The following DMXL1 variants were observed in gnomAD, a reference collection of about 807,000 sequenced individuals.
DMXL1 encodes the protein Dmx like 1, also known as dmX-like protein 1.
A neutral mutation model predicts 319.2 loss-of-function variants in DMXL1; 99 were observed. The ratio of observed to expected loss-of-function variants is 0.31; its 90% CI spans 0.26 to 0.37. DMXL1 has a LOEUF of 0.37. DMXL1 is among the 10% of genes least tolerant of loss of function. DMXL1 has a pLI of 1.00. For synonymous variants in DMXL1, 1,385 were observed against 1,235.2 expected (o/e 1.12, Z -2.54); for missense variants, 3,745 against 3,595.6 (o/e 1.04, Z -1.06).
chr5:119,167,732 G>A lies in DMXL1; in HGVS notation c.5266G>A (p.Val1756Ile). The change falls in exon 23 of 44, where the codon GTC (valine) becomes ATC (isoleucine). Residue 1756 changes from valine (V) to isoleucine (I), a missense_variant. By Grantham distance (29) the Val-to-Ile change is conservative (BLOSUM62 3). Transcript: ENST00000539542. ...AAAAGTTTTGGGAATCGATTCTCCT[G>A]TCAGTGAACTGTGTTCATTGAACAT... The part of the protein sequence containing the change: ...RKKVLGIDSP[V>I]SELCSLNINM... 1.9e-6 allele frequency: 3 copies of A among 1,613,650 alleles called. No homozygotes were observed. Among genetic ancestry groups the A allele is most frequent in the East Asian group, 2.2e-5 (1 of 44,780 alleles).
In DMXL1 at chr5:119,191,956, A is replaced by G. The variant is rs143336373; in HGVS notation, c.7315-1872A>G. Among the ~76,000 whole-genome samples the G allele has an allele frequency of 5.5e-3, 845 of 152,278 alleles. 12 individuals carry two copies. Among genetic ancestry groups the G allele is most frequent in the African/African-American group, 0.019 (794 of 41,568 alleles). On this transcript the variant is annotated intron_variant, in intron 29 of 43. Transcript: ENST00000539542. ...GGTCAACCATTGTTTGTTTTCTACA[A>G]TTTTGTTCAATTTTATTGTTGCTTT...
chr5:119,188,710 A>T (rs1296563799), intron 28 of DMXL1, among the ~76,000 whole-genome samples: 1 of 152,246 alleles, frequency 6.6e-6, no homozygotes, highest in African/African-American at 2.4e-5. Context: ...ACTTTTTAGT[A>T]ATCTCTTAGA....
Position 119,212,651 on chromosome 5 carries a change from G to T in DMXL1, c.7927-4250G>T, listed in dbSNP as rs189407447. ...TAAATCTCTTTTAGCGTTAATATTTGGATTCTTTTTTCTTCACATGTCCAG... is the reference window on the plus strand; with the variant it reads ...TAAATCTCTTTTAGCGTTAATATTTTGATTCTTTTTTCTTCACATGTCCAG... On this transcript the variant is annotated intron_variant, in intron 34 of 43. Coordinates refer to ENST00000539542, the MANE Select transcript of DMXL1 (RefSeq NM_001290321.3). 2.6e-5 allele frequency among the ~76,000 whole-genome samples: 4 copies of T among 152,070 alleles called. No individual in the cohort carries two copies. The East Asian group carries it at 7.7e-4, about 29-fold the overall frequency.
At chr5:119,204,286 C>T (rs929658812) in intron 33 of DMXL1, among the ~76,000 whole-genome samples, 9 of 152,100 alleles carry the variant, frequency 5.9e-5, no homozygotes, top group South Asian at 2.1e-4. Flanking sequence ...TGCAGATGAA[C>T]GCCACCATGC....
intron 19 of DMXL1, among the ~76,000 whole-genome samples, chr5:119,159,691 G>A (rs139910020): frequency 8.5e-5 from 13 of 152,230 alleles, no homozygotes; most frequent in African/African-American, 1.7e-4. Flanking sequence ...GTGGCGCCTC[G>A]CAGCTCACTG....
At chr5:119,193,331 C>T (rs769210044) in intron 29 of DMXL1, among the ~76,000 whole-genome samples, 14 of 152,098 alleles carry the variant, frequency 9.2e-5, no homozygotes, top group Non-Finnish European at 1.9e-4. Flanking sequence ...TTCCCAAACT[C>T]TTTCTGCATT....
At chr5:119,174,214 C>T (rs780902827) in intron 25 of DMXL1, among the ~76,000 whole-genome samples, 2 of 152,158 alleles carry the variant, frequency 1.3e-5, no homozygotes, top group Non-Finnish European at 2.9e-5. Flanking sequence ...AATGTCTGTG[C>T]ACCCCATGGC....
rs868463215 is a variant in DMXL1, at chr5:119,225,474, G to T, written c.8338+705G>T. 7.2e-5 allele frequency among the ~76,000 whole-genome samples: 11 copies of T among 151,818 alleles called. No homozygotes were observed. The South Asian group carries it at 1.0e-3, about 14-fold the overall frequency. On this transcript the variant is annotated intron_variant, in intron 38 of 43. Coordinates refer to ENST00000539542, the MANE Select transcript of DMXL1 (RefSeq NM_001290321.3). Reference sequence around the variant, plus strand: ...TTTTTAATATTTTTTTTTAAGTTATGCCCTTCGTCAAATTGTCCTACTACA... The same window carrying T: ...TTTTTAATATTTTTTTTTAAGTTATTCCCTTCGTCAAATTGTCCTACTACA...
At position 119,244,345 on chromosome 5, in the gene DMXL1, T is replaced by A. The variant is rs562408569; in HGVS notation, c.8705-14T>A. On this transcript the variant is annotated splice_polypyrimidine_tract_variant and intron_variant, in intron 42 of 43. Coordinates refer to ENST00000539542, the MANE Select transcript of DMXL1 (RefSeq NM_001290321.3). ...TTGTTAAGTGTTTTTGTTTTTTTTT[T>A]AATTTACTTTCAGCATTTACCTGCC... 1.5e-4 allele frequency: 233 copies of A among 1,583,722 alleles called. 2 individuals carry two copies. The highest frequency in any genetic ancestry group is 1.4e-3 in the South Asian group (119 of 85,278).
At chr5:119,140,595 C>G (rs547712884) in intron 13 of DMXL1, among the ~76,000 whole-genome samples, 1 of 152,106 alleles carries the variant, frequency 6.6e-6, no homozygotes, top group South Asian at 2.1e-4. Flanking sequence ...AATACGAGCT[C>G]CGAAATTGAG....
At chr5:119,189,666 T>C in intron 28 of DMXL1, 42 bp from the exon 29 acceptor site, 1 of 1,572,656 alleles carries the variant, frequency 6.4e-7, no homozygotes, top group Non-Finnish European at 8.7e-7. Context: ...ATAAATGCAA[T>C]GAAAATAGTA....
At chr5:119,129,464 A>G in intron 10 of DMXL1, 41 bp downstream of exon 10, 1 of 1,436,724 alleles carries the variant, frequency 7.0e-7, no homozygotes, top group Non-Finnish European at 9.5e-7. Context: ...GTTTTGCTCA[A>G]AATAGCAAAC....
chr5:119,242,018 CTG>C (rs1192126729), intron 42 of DMXL1, among the ~76,000 whole-genome samples: 1 of 152,140 alleles, frequency 6.6e-6, no homozygotes, highest in African/African-American at 2.4e-5. Flanking sequence ...CACTTACAAT[CTG>C]TATTTGTGTG....
chr5:119,224,883 GA>G (rs1785255651), intron 38 of DMXL1, 114 bp downstream of exon 38: 1 of 438,096 alleles, frequency 2.3e-6, no homozygotes, highest in Admixed American at 4.0e-5. Flanking sequence ...GCATTTATTT[GA>G]CTTTTTTTCT....
At chr5:119,199,930 T>A (rs1393553352) in intron 32 of DMXL1, among the ~76,000 whole-genome samples, 1 of 152,206 alleles carries the variant, frequency 6.6e-6, no homozygotes, top group African/African-American at 2.4e-5. Flanking sequence ...GGTGTTTGTT[T>A]TTCTTTTTTA....
intron 40 of DMXL1, 104 bp from the exon 41 acceptor site, chr5:119,238,881 GGATT>G: frequency 6.7e-7 from 1 of 1,497,282 alleles, no homozygotes; most frequent in Non-Finnish European, 8.9e-7. Context: ...ACGATACAGA[GGATT>G]TAAGAAAGCC....
At position 119,208,615 on chromosome 5, in the gene DMXL1, A is replaced by C. The variant is rs557147783; in HGVS notation, c.7926+1719A>C. ...TCTATAGTCAGCTTCATGCTACGTC[A>C]AAATACAGTCTTTTTGAGGGGAGGG... On this transcript the variant is annotated intron_variant, in intron 34 of 43. Coordinates refer to ENST00000539542, the MANE Select transcript of DMXL1 (RefSeq NM_001290321.3). Among the ~76,000 whole-genome samples the C allele has an allele frequency of 2.6e-4, 40 of 152,294 alleles. 1 individual carries two copies. In the South Asian group the frequency reaches 8.1e-3, roughly 31 times the overall value.
intron 38 of DMXL1, among the ~76,000 whole-genome samples, chr5:119,226,370 T>C (rs569192096): frequency 2.6e-5 from 4 of 152,304 alleles, no homozygotes; most frequent in African/African-American, 9.6e-5. Context: ...TTTAAAAATA[T>C]TAGTCTGAAG....
intron 8 of DMXL1, among the ~76,000 whole-genome samples, chr5:119,119,482 C>G (rs1406438495): frequency 6.6e-6 from 1 of 151,278 alleles, no homozygotes; most frequent in Non-Finnish European, 1.5e-5. Flanking sequence ...TACATTTGAT[C>G]GTAGCCTAAA....
Sources: allele counts gnomAD v4.1 joint callset (sites outside exome capture counted in the v4.1 genomes callset), GRCh38; gene constraint gnomAD v4.1.1; transcripts MANE v1.5; gene names NCBI Gene and HGNC (gene_info 2026-07-23, HGNC 2026-07-21).